DHX33: variants seen among roughly 807,000 people sequenced by gnomAD.
DHX33 encodes ATP-dependent RNA helicase DHX33.
A neutral mutation model predicts 72.5 loss-of-function variants in DHX33; 42 were observed. The ratio of observed to expected loss-of-function variants is 0.58; its 90% CI spans 0.45 to 0.75. The LOEUF (loss-of-function observed/expected upper bound fraction) is 0.75. Ranked by LOEUF, DHX33 falls within the 30% of genes least tolerant of loss-of-function variation. DHX33 has a pLI of 0.00. For missense variants in DHX33, 842 were observed against 917.5 expected, an observed-to-expected ratio of 0.92 and a Z score of 1.06; for synonymous variants, 358 against 366.1, an observed-to-expected ratio of 0.98 and a Z score of 0.25.
chr17:5,448,926 C>T (rs1916773914), intron 10 of DHX33, 31 bp from the exon 11 acceptor site: 3 of 1,543,972 alleles, frequency 1.9e-6, no homozygotes, highest in Non-Finnish European at 8.9e-7. Context: ...TATCACAATC[C>T]ACTCATTCAC....
intron 6 of DHX33, 57 bp downstream of exon 6, chr17:5,455,103 G>C: frequency 1.4e-6 from 2 of 1,465,302 alleles, no homozygotes; most frequent in Non-Finnish European, 1.9e-6. Flanking sequence ...TGGGACTACA[G>C]TTTCAGTGGC....
intron 1 of DHX33, among the ~76,000 whole-genome samples, chr17:5,464,012 G>A (rs918465137): frequency 6.6e-6 from 1 of 151,764 alleles, no homozygotes; most frequent in Admixed American, 6.6e-5. Flanking sequence ...GTGAGACACT[G>A]TCTCAAAAAA....
rs1207021357 is a variant in DHX33, at chr17:5,442,495, T to A, written c.*1710A>T. 6.6e-6 allele frequency: 1 copy of A among 152,170 alleles called. No individual in the cohort carries two copies. Among genetic ancestry groups the A allele is most frequent in the Admixed American group, 6.5e-5 (1 of 15,278 alleles). The allele number at this position is 152,170 out of a possible 1,614,324, so 9.4% of individuals were successfully genotyped here. On this transcript the variant is annotated 3_prime_UTR_variant, in exon 12 of 12. Transcript: ENST00000225296. Reference sequence around the variant, plus strand: ...GCTGTCAGATCTTCTTTTGCCCACGTATAACCATTTCTGACAGACAGCCCT... The same window carrying A: ...GCTGTCAGATCTTCTTTTGCCCACGAATAACCATTTCTGACAGACAGCCCT...
intron 1 of DHX33, among the ~76,000 whole-genome samples, chr17:5,463,963 G>T (rs1904758173): frequency 6.6e-6 from 1 of 152,092 alleles, no homozygotes; most frequent in Admixed American, 6.6e-5. Flanking sequence ...GTTACAGTAA[G>T]CCATGATTGT....
intron 3 of DHX33, 54 bp from the exon 4 acceptor site, chr17:5,461,163 C>T (rs535535692): frequency 2.0e-5 from 31 of 1,554,996 alleles, no homozygotes; most frequent in Admixed American, 5.4e-5. Context: ...AAGGCCTTTC[C>T]GTGTCCCTCT....
intron 10 of DHX33, among the ~76,000 whole-genome samples, chr17:5,449,900 C>T (rs1379584759): frequency 2.6e-5 from 4 of 152,178 alleles, no homozygotes; most frequent in Non-Finnish European, 4.4e-5. Context: ...AGAGTAAGTA[C>T]TCATTCATTG....
Position 5,444,809 on chromosome 17 carries a change from C to A in DHX33, c.1816-296G>T, listed in dbSNP as rs148537444. On this transcript the variant is annotated intron_variant, in intron 11 of 11. Transcript: ENST00000225296. This position sits in a 1 kb window ranked among gnomAD's most constrained non-coding sequence, Gnocchi z 4.9. ...CACAGGCAGGTTGGGTGACCCACCC[C>A]TCACCTAAATTCCATCAGGACGGCC... Among the ~76,000 whole-genome samples the A allele has an allele frequency of 8.2e-3, 1,243 of 152,274 alleles. 30 individuals carry two copies. Among genetic ancestry groups the A allele is most frequent in the Admixed American group, 0.055 (841 of 15,302 alleles).
intron 10 of DHX33, among the ~76,000 whole-genome samples, chr17:5,449,774 A>G (rs1190757202): frequency 6.6e-6 from 1 of 152,190 alleles, no homozygotes; most frequent in Non-Finnish European, 1.5e-5. Flanking sequence ...CTTCGTTTCC[A>G]TGACTACATG....
chr17:5,450,089 A>G (rs1318477313), intron 10 of DHX33, 114 bp downstream of exon 10: 4 of 1,287,010 alleles, frequency 3.1e-6, no homozygotes, highest in Non-Finnish European at 4.4e-6. Context: ...GATTCTTTAG[A>G]TAATTTAGCC....
Position 5,461,005 on chromosome 17 carries a change from A to G in DHX33, c.783T>C (p.Phe261=). 2 of 1,614,048 alleles carry G rather than the reference A, an allele frequency of 1.2e-6. No homozygotes were observed. The highest frequency in any genetic ancestry group is 1.1e-5 in the South Asian group (1 of 91,066). Residue 261 remains phenylalanine (F), a synonymous_variant, in exon 4 of 12, where the codon TTT becomes TTC. Transcript: ENST00000225296. ...AATCATTCTGAGGCTGTTTGGTGTA[A>G]AACACCTGGATCGGATGCTGCCGAC... ...LEGRQHPIQV[F]YTKQPQNDYL...
chr17:5,448,565 TAA>T (rs897223096), intron 11 of DHX33, among the ~76,000 whole-genome samples: 2 of 152,190 alleles, frequency 1.3e-5, no homozygotes, highest in African/African-American at 4.8e-5. Flanking sequence ...ATAAAGATTA[TAA>T]AACCAAATAT....
In DHX33 at chr17:5,462,412, T is replaced by C. The variant is rs1904682493; in HGVS notation, c.585A>G (p.Glu195=). 9.9e-6 allele frequency: 16 copies of C among 1,614,218 alleles called. No homozygotes were observed. The highest frequency in any genetic ancestry group is 1.4e-5 in the Non-Finnish European group (16 of 1,180,038). Residue 195 remains glutamate (E), a synonymous_variant, in exon 3 of 12, where the codon GAA becomes GAG. Coordinates refer to ENST00000225296, the MANE Select transcript of DHX33 (RefSeq NM_020162.4). ...LRKYSCVILD[E]AHERTIHTDV... ...CTGTGTGGATAGTCCGTTCGTGAGC[T>C]TCATCCAAAATGACACAGCTGTATT...
In DHX33 at chr17:5,441,861, G is replaced by C. The variant is rs1372373239; in HGVS notation, c.*2344C>G. ...GGAAACTGTTCAGGTACTTAAGCTG[G>C]ACATAAATTACCCCAAGTTTTTTCT... is the stretch of plus-strand genomic sequence containing the variant. On this transcript the variant is annotated 3_prime_UTR_variant, in exon 12 of 12. Transcript: ENST00000225296. 1 of 152,096 alleles carries C rather than the reference G, an allele frequency of 6.6e-6. No homozygotes were observed. Among genetic ancestry groups the C allele is most frequent in the Non-Finnish European group, 1.5e-5 (1 of 68,032 alleles). 9.4% of individuals were successfully genotyped at this position (152,096 alleles called of 1,614,324 possible). A position where few individuals can be genotyped will look rare whatever the true frequency, so the allele number is the denominator to read the frequency against.
intron 11 of DHX33, among the ~76,000 whole-genome samples, chr17:5,447,999 T>C (rs1916728409): frequency 6.6e-6 from 1 of 151,982 alleles, no homozygotes; most frequent in South Asian, 2.1e-4. Flanking sequence ...GCCAACGTGG[T>C]GAAACCCCGT....
intron 11 of DHX33, among the ~76,000 whole-genome samples, chr17:5,447,624 C>CAA (rs113437373): frequency 2.7e-5 from 4 of 148,368 alleles, no homozygotes; most frequent in South Asian, 2.1e-4. Flanking sequence ...AACTCCGTCT[C>CAA]AAAAAAAAAG....
rs1323467281 is a variant in DHX33 at position 5,443,850 on chromosome 17, GTTC to G, written c.*352_*354del. 8 of 233,088 alleles carry G rather than the reference GTTC, an allele frequency of 3.4e-5. No homozygotes were observed. The highest frequency in any genetic ancestry group is 6.8e-5 in the Non-Finnish European group (8 of 118,372). 14.4% of individuals were successfully genotyped at this position (233,088 alleles called of 1,614,324 possible). ...GTGTGTCGTGCGTGCTCCAGGCATA[GTTC>G]TGGGTACTTTCCATTCCTTTTCTCT... On this transcript the variant is annotated 3_prime_UTR_variant, in exon 12 of 12. Transcript: ENST00000225296.
Position 5,453,338 on chromosome 17 carries a change from C to T in DHX33, c.1396+242G>A, listed in dbSNP as rs958091997. Among the ~76,000 whole-genome samples, 14 of 152,112 alleles carry T rather than the reference C, an allele frequency of 9.2e-5. 1 individual carries two copies. Among genetic ancestry groups the T allele is most frequent in the African/African-American group, 3.4e-4 (14 of 41,432 alleles). ...CAGGAGTTGGAGGCTGTGATGGAGC[C>T]TGTGAATAGTCACTGCACCTCCACC... On this transcript the variant is annotated intron_variant, in intron 8 of 11. Coordinates refer to ENST00000225296, the MANE Select transcript of DHX33 (RefSeq NM_020162.4).
intron 11 of DHX33, among the ~76,000 whole-genome samples, chr17:5,445,023 C>G (rs935856349): frequency 1.3e-5 from 2 of 152,184 alleles, no homozygotes; most frequent in Admixed American, 6.5e-5. Context: ...GGTGAAGCCA[C>G]GAAGGAGCCA....
At position 5,444,575 on chromosome 17, in the gene DHX33, A is replaced by G; in HGVS notation, c.1816-62T>C. The stretch of plus-strand genomic sequence containing the variant: ...ACACGTAAACACTGGTCAGCACTAC[A>G]CAGCGTGTTGGGGCAACTGGACCCA... On this transcript the variant is annotated intron_variant, in intron 11 of 11. Transcript: ENST00000225296. The surrounding 1 kb of genome is among the most constrained non-coding windows in gnomAD (Gnocchi z 4.9). 6.5e-7 allele frequency: 1 copy of G among 1,540,358 alleles called. No individual in the cohort carries two copies. The highest frequency in any genetic ancestry group is 8.8e-7 in the Non-Finnish European group (1 of 1,138,064).
Sources: allele counts gnomAD v4.1 joint callset (sites outside exome capture counted in the v4.1 genomes callset), GRCh38; gene constraint gnomAD v4.1.1; non-coding constraint Gnocchi (gnomAD v3.1); transcripts MANE v1.5; gene names NCBI Gene and HGNC (gene_info 2026-07-23, HGNC 2026-07-21).